Variants in PRKAR1A observed in about 807,000 individuals in gnomAD.
The protein encoded by PRKAR1A is protein kinase cAMP-dependent type I regulatory subunit alpha.
In PRKAR1A, 3 loss-of-function variants were observed where a neutral mutation model predicts 52.0. The observed-to-expected ratio is 0.06, with a 90% CI of 0.03 to 0.15. The LOEUF (loss-of-function observed/expected upper bound fraction) is 0.15, where lower values mean the gene tolerates loss of function less well. PRKAR1A is among the 10% of genes least tolerant of loss of function. The pLI, the probability that PRKAR1A is intolerant of heterozygous loss-of-function variation, is 1.00. For missense variants in PRKAR1A, 240 were observed against 477.4 expected, an observed-to-expected ratio of 0.50 and a Z score of 4.63; for synonymous variants, 188 against 168.4, an observed-to-expected ratio of 1.12 and a Z score of -0.90.
rs2086017265 is a variant in PRKAR1A, at chr17:68,532,949, T to C, written c.*2500T>C. 2 of 1,065,750 alleles carry C rather than the reference T, an allele frequency of 1.9e-6. No individual in the cohort carries two copies. Among genetic ancestry groups the C allele is most frequent in the South Asian group, 9.1e-5 (2 of 21,978 alleles). The allele number at this position is 1,065,750 out of a possible 1,614,324, so 66.0% of individuals were successfully genotyped here. On this transcript the variant is annotated 3_prime_UTR_variant, in exon 11 of 11. Transcript: ENST00000589228. ...TGTCAAAGAGTGGATCTCAAAATCTTGCTTAAAGGGTAATTGAGATGTAGC... is the reference window on the plus strand; with the variant it reads ...TGTCAAAGAGTGGATCTCAAAATCTCGCTTAAAGGGTAATTGAGATGTAGC...
intron 11 of PRKAR1A, chr17:68,540,670 AAG>A (rs2086245763): frequency 2.6e-6 from 2 of 783,448 alleles, no homozygotes; most frequent in East Asian, 2.8e-5. Context: ...CAGTTCTTTG[AAG>A]AGAGGGGAGC....
chr17:68,513,639 CAT>C (rs1373830804), intron 1 of PRKAR1A, among the ~76,000 whole-genome samples: 1 of 152,162 alleles, frequency 6.6e-6, no homozygotes, highest in Non-Finnish European at 1.5e-5. Flanking sequence ...AATAAGTACA[CAT>C]AGAGAATCCG....
At chr17:68,518,911 G>C (rs1308153208) in intron 2 of PRKAR1A, among the ~76,000 whole-genome samples, 2 of 152,204 alleles carry the variant, frequency 1.3e-5, no homozygotes, top group Non-Finnish European at 2.9e-5. Flanking sequence ...AAGTTCCACA[G>C]ATTTCTAGGG....
intron 11 of PRKAR1A, chr17:68,543,629 C>G (rs202090214): frequency 3.1e-6 from 5 of 1,613,940 alleles, no homozygotes; most frequent in Admixed American, 1.7e-5. Flanking sequence ...CAGACCCTAC[C>G]TGTCCAGATG....
At position 68,531,850 on chromosome 17, in the gene PRKAR1A, T is replaced by C. The variant is rs984779940; in HGVS notation, c.*1401T>C. The C allele has an allele frequency of 1.9e-6, 2 of 1,036,650 alleles. No individual in the cohort carries two copies. Among genetic ancestry groups the C allele is most frequent in the African/African-American group, 1.7e-5 (1 of 60,416 alleles). 64.2% of individuals were successfully genotyped at this position (1,036,650 alleles called of 1,614,324 possible). A position where few individuals can be genotyped will look rare whatever the true frequency, so the allele number is the denominator to read the frequency against. ...TTTTAAACAAAATTTCACAGTTCTG[T>C]AATGTAGGCACTTTTATTTTCATTG... On this transcript the variant is annotated 3_prime_UTR_variant, in exon 11 of 11. Transcript: ENST00000589228.
chr17:68,539,766 A>T, intron 11 of PRKAR1A: 1 of 911,734 alleles, frequency 1.1e-6, no homozygotes, highest in Non-Finnish European at 1.8e-6. Context: ...CTCGAAGGAG[A>T]CAAGGCACGT....
At chr17:68,536,819 T>G, downstream of PRKAR1A, 7 of 454,162 alleles carry the variant, frequency 1.5e-5, no homozygotes, top group Non-Finnish European at 2.6e-5. Flanking sequence ...TGTAATACTC[T>G]TCAAATTGGA....
At chr17:68,444,306 C>G in the PRKAR1A span, among the ~76,000 whole-genome samples, 17 of 152,286 alleles carry the variant, frequency 1.1e-4, 1 homozygote, top group African/African-American at 3.1e-4. Flanking sequence ...ACACAGCCCC[C>G]CTGCAGGACA....
chr17:68,450,977 G>A, the PRKAR1A span: 1 of 1,515,120 alleles, frequency 6.6e-7, no homozygotes, highest in Non-Finnish European at 8.8e-7. Flanking sequence ...ACTGGGCCCG[G>A]CGCAGGCCAG....
chr17:68,457,558 C>A, the PRKAR1A span: 1 of 177,646 alleles, frequency 5.6e-6, no homozygotes, highest in Non-Finnish European at 8.6e-6. Context: ...GCCCCTACCC[C>A]GCCCCGTCCC....
intron 2 of PRKAR1A, among the ~76,000 whole-genome samples, chr17:68,517,572 C>G (rs1473999107): frequency 6.6e-6 from 1 of 152,198 alleles, no homozygotes; most frequent in East Asian, 1.9e-4. Flanking sequence ...CACTCACTAT[C>G]ATGATAACAG....
the PRKAR1A span, among the ~76,000 whole-genome samples, chr17:68,465,625 ATTTTTTTTTTTT>A: frequency 4.5e-5 from 3 of 67,186 alleles, 1 homozygote; most frequent in African/African-American, 1.2e-4. Flanking sequence ...ACGCCCAGCA[ATTTTTTTTTTTT>A]TTTTTTTTTT....
chr17:68,521,337 C>T (rs2085601614), intron 2 of PRKAR1A, among the ~76,000 whole-genome samples: 1 of 152,216 alleles, frequency 6.6e-6, no homozygotes, highest in Non-Finnish European at 1.5e-5. Context: ...TCAGGTGATC[C>T]TCCTGCCTCA....
At chr17:68,486,471 CTCCTTCCTTCCT>C in the PRKAR1A span, among the ~76,000 whole-genome samples, 1,204 of 97,432 alleles carry the variant, frequency 0.012, 34 homozygotes, top group South Asian at 0.019. Context: ...CTTTCTTTCT[CTCCTTCCTTCCT>C]TCCTTCCTTC....
chr17:68,480,157 CT>C, the PRKAR1A span, among the ~76,000 whole-genome samples: 1 of 152,200 alleles, frequency 6.6e-6, no homozygotes, highest in South Asian at 2.1e-4. Context: ...TATAGCAGTT[CT>C]TTTAAATCCT....
the PRKAR1A span, chr17:68,421,931 C>T: frequency 7.0e-5 from 100 of 1,435,242 alleles, no homozygotes; most frequent in Non-Finnish European, 8.8e-5. Context: ...AGGCTGGGCA[C>T]TGTGGAATTT....
the PRKAR1A span, chr17:68,422,466 T>A: frequency 6.7e-6 from 1 of 150,308 alleles, no homozygotes; most frequent in Non-Finnish European, 1.5e-5. Context: ...GCGCAGTGGC[T>A]CACACCTGTA....
chr17:68,457,526 TA>T, the PRKAR1A span: 38 of 498,614 alleles, frequency 7.6e-5, no homozygotes, highest in African/African-American at 3.7e-4. Flanking sequence ...GCCCCGCCCC[TA>T]CCCCGCCCCG....
At chr17:68,523,685 G>C (rs1259873789) in intron 3 of PRKAR1A, 40 bp from the exon 4 acceptor site, 5 of 1,515,148 alleles carry the variant, frequency 3.3e-6, no homozygotes. Context: ...AAATGTTTTT[G>C]GTTTATGGAA....
Sources: gnomAD v4.1 joint callset for allele counts (sites outside exome capture counted in the v4.1 genomes callset) on GRCh38, gnomAD v4.1.1 for gene constraint, MANE v1.5 for transcripts, NCBI Gene and HGNC (gene_info 2026-07-23, HGNC 2026-07-21) for gene names.